Variants in RAPGEF5 observed in about 807,000 individuals in gnomAD.
The protein encoded by RAPGEF5 is Rap guanine nucleotide exchange factor 5.
Under a neutral mutation model 125.2 loss-of-function variants are expected in RAPGEF5, and 65 were observed. That is an observed-to-expected ratio of 0.52 (90% CI 0.43 to 0.64). The LOEUF is 0.64. Ranked by LOEUF, RAPGEF5 falls within the 30% of genes least tolerant of loss-of-function variation. The pLI, the probability that RAPGEF5 is intolerant of heterozygous loss-of-function variation, is 0.00. For synonymous variants in RAPGEF5, 391 were observed against 385.9 expected, an observed-to-expected ratio of 1.01 and a Z score of -0.16; for missense variants, 958 against 1,048.1, an observed-to-expected ratio of 0.91 and a Z score of 1.19.
intron 7 of RAPGEF5, among the ~76,000 whole-genome samples, chr7:22,253,359 C>T (rs577840063): frequency 2.3e-4 from 35 of 152,154 alleles, no homozygotes; most frequent in African/African-American, 6.0e-4. Context: ...GAGTGATGGG[C>T]GCTGCTGGAC....
intron 3 of RAPGEF5, among the ~76,000 whole-genome samples, chr7:22,312,846 T>G (rs1161351262): frequency 6.6e-6 from 1 of 152,158 alleles, no homozygotes; most frequent in South Asian, 2.1e-4. Flanking sequence ...GCATACAAAA[T>G]GAGGTGGTGT....
chr7:22,219,278 G>A (rs1218570569), intron 9 of RAPGEF5, among the ~76,000 whole-genome samples: 1 of 151,940 alleles, frequency 6.6e-6, no homozygotes, highest in East Asian at 1.9e-4. Flanking sequence ...CTGCTTTCAG[G>A]AGGACCAAGC....
At chr7:22,270,903 A>C (rs1270399733) in intron 6 of RAPGEF5, among the ~76,000 whole-genome samples, 1 of 152,176 alleles carries the variant, frequency 6.6e-6, no homozygotes, top group Admixed American at 6.5e-5. Context: ...AAATATGTTC[A>C]GTTTTGGTTG....
chr7:22,232,729 G>A (rs1786090088), intron 7 of RAPGEF5, among the ~76,000 whole-genome samples: 2 of 152,120 alleles, frequency 1.3e-5, no homozygotes, highest in African/African-American at 4.8e-5. Flanking sequence ...GCCCACCATG[G>A]AGCCTACCTA....
At chr7:22,335,691 C>CAAAAAA in intron 1 of RAPGEF5, among the ~76,000 whole-genome samples, 1 of 102,724 alleles carries the variant, frequency 9.7e-6, no homozygotes, top group East Asian at 2.9e-4. Context: ...AAGAAACAAG[C>CAAAAAA]AAAAAAAAAA....
chr7:22,353,831 T>A (rs568388933), intron 1 of RAPGEF5, among the ~76,000 whole-genome samples: 1 of 152,268 alleles, frequency 6.6e-6, no homozygotes, highest in East Asian at 1.9e-4. Flanking sequence ...CTCAGGCATA[T>A]TAACCAAATG....
intron 9 of RAPGEF5, among the ~76,000 whole-genome samples, chr7:22,218,164 A>G (rs1785686602): frequency 6.6e-6 from 1 of 151,502 alleles, no homozygotes; most frequent in African/African-American, 2.4e-5. Flanking sequence ...GTAGATTTCT[A>G]TAGTTACAGA....
intron 11 of RAPGEF5, among the ~76,000 whole-genome samples, chr7:22,185,509 C>T (rs569202799): frequency 2.0e-5 from 3 of 152,258 alleles, no homozygotes; most frequent in South Asian, 4.1e-4. Flanking sequence ...CAACAAATAC[C>T]GTACATTATA....
intron 20 of RAPGEF5, among the ~76,000 whole-genome samples, chr7:22,144,364 G>A (rs971898547): frequency 6.6e-6 from 1 of 152,230 alleles, no homozygotes; most frequent in African/African-American, 2.4e-5. Context: ...AGGGGAAGTA[G>A]AGGCAGTAGC....
intron 9 of RAPGEF5, chr7:22,202,798 G>T (rs143750911): frequency 1.2e-3 from 213 of 183,536 alleles, no homozygotes; most frequent in African/African-American, 4.8e-3. Flanking sequence ...TCCTAGAGTT[G>T]CCACTTTCTA....
chr7:22,345,828 C>G (rs1019774309), intron 1 of RAPGEF5, among the ~76,000 whole-genome samples: 2 of 151,782 alleles, frequency 1.3e-5, no homozygotes, highest in Non-Finnish European at 2.9e-5. Context: ...GTTGCTGCCA[C>G]TAAGTACTCT....
chr7:22,349,764 C>A (rs886811054), intron 1 of RAPGEF5, among the ~76,000 whole-genome samples: 1 of 152,158 alleles, frequency 6.6e-6, no homozygotes, highest in African/African-American at 2.4e-5. Context: ...GTTTTAGACA[C>A]GATATTGCAG....
chr7:22,142,347 T>C (rs1783289866), intron 20 of RAPGEF5, among the ~76,000 whole-genome samples: 1 of 152,212 alleles, frequency 6.6e-6, no homozygotes, highest in South Asian at 2.1e-4. Context: ...CAAGAACTTC[T>C]GGGGAAATGA....
intron 7 of RAPGEF5, among the ~76,000 whole-genome samples, chr7:22,251,649 C>T (rs1786622947): frequency 6.6e-6 from 1 of 151,982 alleles, no homozygotes; most frequent in Non-Finnish European, 1.5e-5. Context: ...GATTTGGTAT[C>T]ACTAACCCAG....
intron 5 of RAPGEF5, among the ~76,000 whole-genome samples, chr7:22,292,154 T>G (rs1008980657): frequency 6.6e-6 from 1 of 152,212 alleles, no homozygotes; most frequent in African/African-American, 2.4e-5. Context: ...CACAGTCCAG[T>G]GATTGATTTC....
intron 6 of RAPGEF5, among the ~76,000 whole-genome samples, chr7:22,274,434 A>G (rs908078926): frequency 1.3e-5 from 2 of 152,064 alleles, no homozygotes; most frequent in African/African-American, 4.8e-5. Context: ...GGCTCAAGCA[A>G]TTCTCCTGCC....
At chr7:22,151,536 A>T (rs1425082152) in intron 17 of RAPGEF5, among the ~76,000 whole-genome samples, 1 of 142,906 alleles carries the variant, frequency 7.0e-6, no homozygotes, top group African/African-American at 2.6e-5. Context: ...ATCTCGGCTC[A>T]CCGCAACCTC....
chr7:22,170,592 A>G (rs1272574097), intron 11 of RAPGEF5, among the ~76,000 whole-genome samples: 1 of 152,220 alleles, frequency 6.6e-6, no homozygotes, highest in Non-Finnish European at 1.5e-5. Flanking sequence ...AAAGAACACC[A>G]TTAAACCATT....
At chr7:22,160,164 T>C (rs1462948452) in intron 14 of RAPGEF5, among the ~76,000 whole-genome samples, 3 of 152,048 alleles carry the variant, frequency 2.0e-5, no homozygotes, top group African/African-American at 7.2e-5. Context: ...TTTATAAAAC[T>C]TTTCCTCCCC....
Sources: allele counts gnomAD v4.1 joint callset (sites outside exome capture counted in the v4.1 genomes callset), GRCh38; gene constraint gnomAD v4.1.1; transcripts MANE v1.5; gene names NCBI Gene and HGNC (gene_info 2026-07-23, HGNC 2026-07-21).